Variants in COL27A1 observed in about 807,000 individuals in gnomAD.
The protein encoded by COL27A1 is collagen alpha-1(XXVII) chain.
In COL27A1, 106 loss-of-function variants were observed where a neutral mutation model predicts 251.3. The ratio of observed to expected loss-of-function variants is 0.42; its 90% CI spans 0.36 to 0.50. The LOEUF (loss-of-function observed/expected upper bound fraction) is 0.50. Ranked by LOEUF, COL27A1 falls within the 20% of genes least tolerant of loss-of-function variation. The pLI, the probability that COL27A1 is intolerant of heterozygous loss-of-function variation, is 0.00. For synonymous variants in COL27A1, 1,000 were observed against 986.3 expected (o/e 1.01, Z -0.26); for missense variants, 2,325 against 2,522.8 (o/e 0.92, Z 1.68).
chr9:114,219,908 G>C (rs1830960173), intron 13 of COL27A1, 64 bp downstream of exon 13: 1 of 1,259,906 alleles, frequency 7.9e-7, no homozygotes, highest in African/African-American at 1.5e-5. Flanking sequence ...CAGATTTTAG[G>C]AGCCCACGCT....
intron 59 of COL27A1, among the ~76,000 whole-genome samples, chr9:114,309,047 C>T (rs1432163034): frequency 1.3e-5 from 2 of 152,188 alleles, no homozygotes; most frequent in African/African-American, 2.4e-5. Context: ...GTCAGGCAGG[C>T]CCTTCCCACT....
intron 41 of COL27A1, among the ~76,000 whole-genome samples, chr9:114,285,374 G>A (rs933992301): frequency 4.6e-5 from 7 of 152,184 alleles, no homozygotes; most frequent in African/African-American, 1.2e-4. Context: ...AGGGCCAGGA[G>A]TGCCAGAAGG....
At position 114,290,880 on chromosome 9, in the gene COL27A1, C is replaced by T. The variant is rs867258191; in HGVS notation, c.4439C>T (p.Ala1480Val). 1 of 1,551,776 alleles carries T rather than the reference C, an allele frequency of 6.4e-7. No individual in the cohort carries two copies. The highest frequency in any genetic ancestry group is 8.7e-7 in the Non-Finnish European group (1 of 1,147,020). Residue 1480 changes from alanine to valine, a missense_variant, in exon 48 of 61, where the codon GCC becomes GTC. Physicochemically the swap from Ala to Val is moderately conservative, Grantham distance 64. Transcript: ENST00000356083. The surrounding 1 kb of genome is among the most constrained non-coding windows in gnomAD (Gnocchi z 4.6). ...PAGKRGNPGV[A>V]GLPGAQGPPG... The stretch of plus-strand genomic sequence containing the variant: ...GGGAAGAGAGGAAATCCAGGTGTGG[C>T]CGGCTTACCTGGAGCACAGGGACCC...
intron 57 of COL27A1, 91 bp from the exon 58 acceptor site, chr9:114,306,429 C>A: frequency 7.5e-7 from 1 of 1,339,896 alleles, no homozygotes; most frequent in Non-Finnish European, 1.0e-6. Context: ...GAGATACCTC[C>A]CAGGTTGTGA....
intron 3 of COL27A1, among the ~76,000 whole-genome samples, chr9:114,173,982 A>AT (rs35701083): frequency 6.8e-4 from 99 of 145,484 alleles, no homozygotes; most frequent in East Asian, 4.1e-3. Flanking sequence ...GACTGCCCCC[A>AT]TTTTTTTTTT....
chr9:114,309,583 A>C lies in COL27A1; in HGVS notation c.5436+105A>C, dbSNP rs1442012312. ...ATAAGATTATATCTAACATTTTAATAGTATACTATATTAATGTGATAGATA... is the reference window on the plus strand; with the variant it reads ...ATAAGATTATATCTAACATTTTAATCGTATACTATATTAATGTGATAGATA... On this transcript the variant is annotated intron_variant, in intron 60 of 60. Transcript: ENST00000356083. The C allele has an allele frequency of 5.1e-6, 4 of 791,352 alleles. No homozygotes were observed. The East Asian group carries it at 1.1e-4, about 21-fold the overall frequency. The allele number at this position is 791,352 out of a possible 1,614,324, so 49.0% of individuals were successfully genotyped here.
rs539257309 is a variant in COL27A1, at chr9:114,188,603, T to A, written c.2016+5528T>A. ...GTATATGTAGACATATATCAAGACA[T>A]ATACCAAGATATATTTGTATATACA... On this transcript the variant is annotated intron_variant, in intron 5 of 60. Coordinates refer to ENST00000356083, the MANE Select transcript of COL27A1 (RefSeq NM_032888.4). Among the ~76,000 whole-genome samples, 3 of 152,322 alleles carry A rather than the reference T, an allele frequency of 2.0e-5. No individual in the cohort carries two copies. The East Asian group carries it at 5.8e-4, about 29-fold the overall frequency.
chr9:114,245,956 C>T lies in COL27A1; in HGVS notation c.2979+46C>T, dbSNP rs368301415. The T allele has an allele frequency of 3.3e-5, 51 of 1,567,838 alleles. No individual in the cohort carries two copies. The African/African-American group carries it at 4.7e-4, about 15-fold the overall frequency. ...GAATGAGTGGCTCCATTTATTGGGC[C>T]CTTACTCTGTGCCAAGCCCTTTGCC... On this transcript the variant is annotated intron_variant, in intron 24 of 60. Transcript: ENST00000356083.
At chr9:114,280,840 G>C (rs1009905544) in intron 37 of COL27A1, among the ~76,000 whole-genome samples, 1 of 152,154 alleles carries the variant, frequency 6.6e-6, no homozygotes, top group Non-Finnish European at 1.5e-5. Context: ...TTAGTCTTTA[G>C]AGCAGACATT....
chr9:114,187,899 T>G (rs115549657), intron 5 of COL27A1, among the ~76,000 whole-genome samples: 1 of 152,218 alleles, frequency 6.6e-6, no homozygotes, highest in African/African-American at 2.4e-5. Flanking sequence ...AATTATTTCA[T>G]TAGGATAAGT....
rs1286317852 is a variant in COL27A1 at position 114,155,650 on chromosome 9, T to C, written c.-301T>C. 1 of 152,352 alleles carries C rather than the reference T, an allele frequency of 6.6e-6. No homozygotes were observed. Among genetic ancestry groups the C allele is most frequent in the Non-Finnish European group, 1.5e-5 (1 of 68,252 alleles). The allele number at this position is 152,352 out of a possible 1,614,324, so 9.4% of individuals were successfully genotyped here. On this transcript the variant is annotated 5_prime_UTR_variant, in exon 1 of 61. Coordinates refer to ENST00000356083, the MANE Select transcript of COL27A1 (RefSeq NM_032888.4). The surrounding 1 kb of genome is among the most constrained non-coding windows in gnomAD (Gnocchi z 5.5). Reference sequence around the variant, plus strand: ...CCGCCAGCAGCCCGCCTCCAAAAGTTTGATCATCTCTCTCTCTCTTTTTCT... The same window carrying C: ...CCGCCAGCAGCCCGCCTCCAAAAGTCTGATCATCTCTCTCTCTCTTTTTCT...
At chr9:114,229,447 C>T (rs947641644) in intron 14 of COL27A1, among the ~76,000 whole-genome samples, 1 of 152,200 alleles carries the variant, frequency 6.6e-6, no homozygotes, top group African/African-American at 2.4e-5. Context: ...TCTGCCTGGC[C>T]TCCCTCCGAG....
chr9:114,228,509 C>T (rs564774025), intron 14 of COL27A1, among the ~76,000 whole-genome samples: 4 of 152,244 alleles, frequency 2.6e-5, no homozygotes, highest in African/African-American at 4.8e-5. Flanking sequence ...TTCTCTCCCT[C>T]CTCTCCAGAG....
At chr9:114,166,412 CATTT>C (rs1352913773) in intron 2 of COL27A1, among the ~76,000 whole-genome samples, 113 of 149,862 alleles carry the variant, frequency 7.5e-4, no homozygotes, top group South Asian at 1.7e-3. Flanking sequence ...CCCACCTATC[CATTT>C]ATCCATTCAT....
At chr9:114,283,062 G>C (rs758113352) in intron 39 of COL27A1, among the ~76,000 whole-genome samples, 8 of 152,214 alleles carry the variant, frequency 5.3e-5, no homozygotes, top group Admixed American at 1.3e-4. Flanking sequence ...AGACCCCAGG[G>C]GGAAGCCAGG....
Position 114,288,716 on chromosome 9 carries a change from T to A in COL27A1, c.4059T>A (p.Asp1353Glu). 1 of 1,610,726 alleles carries A rather than the reference T, an allele frequency of 6.2e-7. No homozygotes were observed. Residue 1353 changes from aspartate to glutamate, a missense_variant, in exon 43 of 61, where the codon GAT (aspartate) becomes GAA (glutamate). Around this residue, in one of 4 missense-constraint regions of COL27A1, gnomAD observed 662 missense variants for 795.3 expected, o/e 0.83. Transcript: ENST00000356083. Reference sequence around the variant, plus strand: ...TTGTCATTCAGGGCCCTGTGGGTGATCGAGGAGACCGCGGGGAACCGGGAG... The same window carrying A: ...TTGTCATTCAGGGCCCTGTGGGTGAACGAGGAGACCGCGGGGAACCGGGAG... Reference protein sequence around the residue: ...GPPGDRGPVGDRGDRGEPGDP... With the variant: ...GPPGDRGPVGERGDRGEPGDP...
At chr9:114,292,080 A>C in intron 48 of COL27A1, 23 bp from the exon 49 acceptor site, 4 of 1,547,806 alleles carry the variant, frequency 2.6e-6, no homozygotes, top group Non-Finnish European at 3.5e-6. Flanking sequence ...TTTGACTGGT[A>C]ATTTTTTGTG....
At chr9:114,201,433 C>G (rs1829569074) in intron 7 of COL27A1, among the ~76,000 whole-genome samples, 1 of 152,176 alleles carries the variant, frequency 6.6e-6, no homozygotes, top group Non-Finnish European at 1.5e-5. Context: ...TTCCAGGGAG[C>G]ATAAGCACCT....
At chr9:114,284,179 G>C (rs527885272) in intron 40 of COL27A1, among the ~76,000 whole-genome samples, 16 of 152,236 alleles carry the variant, frequency 1.1e-4, no homozygotes, top group Non-Finnish European at 2.1e-4. Context: ...GGGGAAACCA[G>C]GGCTCAGGAG....
Sources: allele counts gnomAD v4.1 joint callset (sites outside exome capture counted in the v4.1 genomes callset), GRCh38; gene constraint gnomAD v4.1.1; regional missense constraint gnomAD v4.1.1; non-coding constraint Gnocchi (gnomAD v3.1); transcripts MANE v1.5; gene names NCBI Gene and HGNC (gene_info 2026-07-23, HGNC 2026-07-21).